Variants in IFT81 observed in about 807,000 individuals in gnomAD.
The protein encoded by IFT81 is intraflagellar transport protein 81 homolog.
In IFT81, 72 loss-of-function variants were observed where a neutral mutation model predicts 102.6. That is an observed-to-expected ratio of 0.70 (90% CI 0.58 to 0.85). IFT81 has a LOEUF of 0.85. Ranked by LOEUF, IFT81 falls within the 40% of genes least tolerant of loss-of-function variation. IFT81 has a pLI of 0.00. For missense variants in IFT81, 723 were observed against 787.3 expected, an observed-to-expected ratio of 0.92 and a Z score of 0.98; for synonymous variants, 237 against 242.7, an observed-to-expected ratio of 0.98 and a Z score of 0.22.
chr12:110,197,353 A>C (rs1268249364), intron 14 of IFT81, among the ~76,000 whole-genome samples: 1 of 151,440 alleles, frequency 6.6e-6, no homozygotes, highest in African/African-American at 2.4e-5. Flanking sequence ...TTAAGTGGTA[A>C]GTTTAATCTC....
At chr12:110,189,021 T>A (rs1348456252) in intron 12 of IFT81, among the ~76,000 whole-genome samples, 1 of 152,182 alleles carries the variant, frequency 6.6e-6, no homozygotes, top group Non-Finnish European at 1.5e-5. Flanking sequence ...CTTGACCTAG[T>A]AGCAGCATTT....
chr12:110,152,441 T>C (rs1254951458), intron 10 of IFT81, among the ~76,000 whole-genome samples: 1 of 152,236 alleles, frequency 6.6e-6, no homozygotes, highest in Non-Finnish European at 1.5e-5. Flanking sequence ...TGGCCATTTG[T>C]ATGTCTTTAA....
chr12:110,187,796 T>G (rs1373990555), intron 12 of IFT81, among the ~76,000 whole-genome samples: 1 of 152,186 alleles, frequency 6.6e-6, no homozygotes, highest in East Asian at 1.9e-4. Context: ...ATTTCTCCAG[T>G]TTTCTCTTAA....
chr12:110,180,949 A>C (rs1897297802), intron 12 of IFT81, among the ~76,000 whole-genome samples: 1 of 152,256 alleles, frequency 6.6e-6, no homozygotes, highest in Admixed American at 6.5e-5. Flanking sequence ...AGAAATATCC[A>C]GGGAAGTGCT....
At chr12:110,144,986 CT>C (rs1426373950) in intron 9 of IFT81, among the ~76,000 whole-genome samples, 1 of 150,040 alleles carries the variant, frequency 6.7e-6, no homozygotes, top group Non-Finnish European at 1.5e-5. Flanking sequence ...CTACCTCAGC[CT>C]CTCGACTAGC....
At chr12:110,206,510 A>G (rs1326987153) in intron 17 of IFT81, among the ~76,000 whole-genome samples, 7 of 152,078 alleles carry the variant, frequency 4.6e-5, no homozygotes, top group African/African-American at 1.2e-4. Context: ...TGGCATGTAC[A>G]TTAATGTTAT....
chr12:110,153,990 G>A (rs1390112570), intron 10 of IFT81, among the ~76,000 whole-genome samples: 2 of 151,350 alleles, frequency 1.3e-5, no homozygotes, highest in Admixed American at 6.6e-5. Flanking sequence ...TCTTTGTTGG[G>A]ATATTTTTTT....
At chr12:110,160,128 G>A (rs530727654) in intron 10 of IFT81, among the ~76,000 whole-genome samples, 1 of 152,192 alleles carries the variant, frequency 6.6e-6, no homozygotes, top group South Asian at 2.1e-4. Flanking sequence ...TATTAGTCAG[G>A]GTTATCCTAA....
chr12:110,149,283 CA>C (rs937469950), intron 10 of IFT81, among the ~76,000 whole-genome samples: 4 of 152,158 alleles, frequency 2.6e-5, no homozygotes, highest in African/African-American at 4.8e-5. Flanking sequence ...GGGCATGTGA[CA>C]GGGGGAGTGG....
intron 11 of IFT81, among the ~76,000 whole-genome samples, chr12:110,164,068 ATTAAG>A (rs1346060503): frequency 6.6e-6 from 1 of 152,198 alleles, no homozygotes; most frequent in African/African-American, 2.4e-5. Flanking sequence ...AGAAAATATC[ATTAAG>A]TTATTTTGTC....
At chr12:110,179,765 T>TACACAC (rs1428284986) in intron 11 of IFT81, among the ~76,000 whole-genome samples, 1 of 69,212 alleles carries the variant, frequency 1.4e-5, no homozygotes, top group Non-Finnish European at 2.8e-5. Context: ...TATATATATA[T>TACACAC]ATATATATAC....
In IFT81 at chr12:110,143,503, G is replaced by A. The variant is rs117092761; in HGVS notation, c.903G>A (p.Glu301=). The A allele has an allele frequency of 6.2e-4, 964 of 1,550,716 alleles. 7 individuals are homozygous for A. In the South Asian group the frequency reaches 0.01, roughly 17 times the overall value. The change falls in exon 9 of 19, where the codon GAG becomes GAA. Residue 301 remains glutamate (E), a synonymous_variant. Coordinates refer to ENST00000242591, the MANE Select transcript of IFT81 (RefSeq NM_014055.4). The stretch of plus-strand genomic sequence containing the variant: ...ATTTTTTACAAAAAGTAGTTTCAGA[G>A]CCAGCTATGGGCCATTCTGATCTTC... ...ELHFLQKVVS[E]PAMGHSDLLE...
In IFT81 at chr12:110,198,563, G is replaced by A. The variant is rs114089228; in HGVS notation, c.1558-5301G>A. Among the ~76,000 whole-genome samples, 1,000 of 151,586 alleles carry A rather than the reference G, an allele frequency of 6.6e-3. 15 individuals carry two copies. Among genetic ancestry groups the A allele is most frequent in the African/African-American group, 0.023 (944 of 41,304 alleles). On this transcript the variant is annotated intron_variant, in intron 14 of 18. Coordinates refer to ENST00000242591, the MANE Select transcript of IFT81 (RefSeq NM_014055.4). ...AGATATTTTCTCTCCCATTTTTTGC[G>A]GTCTGTTTTCCAGCTACTCATACTA... is the stretch of plus-strand genomic sequence containing the variant.
chr12:110,203,943 T>A lies in IFT81; in HGVS notation c.1637T>A (p.Leu546Ter), dbSNP rs1419190916. ...GGCCTCGAAAGCAATCGGTCCAAAT[T>A]AGAACAGGTAAGAAGAGAGTTTTTA... ...AAGLESNRSK[L>*]EQEVRRLREE... Residue 546 changes from leucine to a stop codon, truncating the protein, a stop_gained, in exon 15 of 19, where the codon TTA (leucine) becomes TAA (stop). Transcript: ENST00000242591. LOFTEE classifies it high-confidence loss of function. 13 of 1,608,670 alleles carry A rather than the reference T, an allele frequency of 8.1e-6. No individual in the cohort carries two copies. The Admixed American group carries it at 2.2e-4, about 27-fold the overall frequency.
chr12:110,185,596 A>T (rs1204246982), intron 12 of IFT81, among the ~76,000 whole-genome samples: 7 of 152,018 alleles, frequency 4.6e-5, no homozygotes, highest in African/African-American at 1.7e-4. Flanking sequence ...TGTTGATAAT[A>T]TTTTTTTAAT....
intron 18 of IFT81, among the ~76,000 whole-genome samples, chr12:110,213,807 A>G (rs977243605): frequency 5.9e-5 from 9 of 152,172 alleles, no homozygotes; most frequent in Admixed American, 5.2e-4. Context: ...TATTGTGATT[A>G]TTAGTCCCAT....
At chr12:110,127,303 T>C (rs1893902646) in intron 1 of IFT81, 57 bp from the exon 2 acceptor site, 1 of 1,370,788 alleles carries the variant, frequency 7.3e-7, no homozygotes, top group Non-Finnish European at 9.5e-7. Flanking sequence ...TTCTGGTTTT[T>C]ACCCAGGACT....
At chr12:110,128,203 C>T in intron 3 of IFT81, 54 bp downstream of exon 3, 1 of 1,042,214 alleles carries the variant, frequency 9.6e-7, no homozygotes, top group Non-Finnish European at 1.5e-6. Context: ...ATATCCAAAC[C>T]TTCATATACT....
chr12:110,138,182 A>C (rs186035363), intron 8 of IFT81, among the ~76,000 whole-genome samples: 80 of 152,340 alleles, frequency 5.3e-4, no homozygotes, highest in Non-Finnish European at 8.5e-4. Context: ...CAGGAGGTTA[A>C]GGAGTTCCTA....
Sources: gnomAD v4.1 joint callset for allele counts (sites outside exome capture counted in the v4.1 genomes callset) on GRCh38, gnomAD v4.1.1 for gene constraint, MANE v1.5 for transcripts, NCBI Gene and HGNC (gene_info 2026-07-23, HGNC 2026-07-21) for gene names.